MMP28: variants seen among roughly 807,000 people sequenced by gnomAD.
The protein encoded by MMP28 is matrix metallopeptidase 28.
MMP28 carries 55 observed loss-of-function variants against 60.5 expected under a neutral mutation model. The ratio of observed to expected loss-of-function variants is 0.91; its 90% confidence interval spans 0.73 to 1.14. MMP28 has a LOEUF of 1.14. Ranked by LOEUF, MMP28 falls within the 50% of genes most tolerant of loss-of-function variation. MMP28 has a pLI of 0.00. For synonymous variants in MMP28, 318 were observed against 312.5 expected, an observed-to-expected ratio of 1.02 and a Z score of -0.18; for missense variants, 686 against 738.3, an observed-to-expected ratio of 0.93 and a Z score of 0.82.
In MMP28 at chr17:35,795,618, G is replaced by A. The variant is rs927714016; in HGVS notation, c.-241C>T. ...GGCAGTGCCTGCCCGCGGGTCCGCC[G>A]GCCCCGGGGACCGAGGGAGGGAGGA... On this transcript the variant is annotated 5_prime_UTR_variant, in exon 1 of 8. Transcript: ENST00000605424. 1 of 360,250 alleles carries A rather than the reference G, an allele frequency of 2.8e-6. No individual in the cohort carries two copies. The allele number at this position is 360,250 out of a possible 1,614,324, so 22.3% of individuals were successfully genotyped here. A position where few individuals can be genotyped will look rare whatever the true frequency, so the allele number is the denominator to read the frequency against.
In MMP28 at chr17:35,795,259, C is replaced by T. The variant is rs1392492201; in HGVS notation, c.111+8G>A. 5.0e-6 allele frequency: 7 copies of T among 1,407,094 alleles called. No individual in the cohort carries two copies. In the South Asian group the frequency reaches 7.8e-5, roughly 16 times the overall value. The allele number at this position is 1,407,094 out of a possible 1,614,324, so 87.2% of individuals were successfully genotyped here. Reference sequence around the variant, plus strand: ...CGCACCGCTCTCCGCCAGGTACACACGGCGTACCTCCGCCTCCTTGCGCAG... The same window carrying T: ...CGCACCGCTCTCCGCCAGGTACACATGGCGTACCTCCGCCTCCTTGCGCAG... On this transcript the variant is annotated splice_region_variant and intron_variant, in intron 1 of 7. Coordinates refer to ENST00000605424, the MANE Select transcript of MMP28 (RefSeq NM_024302.5).
intron 2 of MMP28, among the ~76,000 whole-genome samples, chr17:35,759,484 G>T (rs374693371): frequency 6.6e-6 from 1 of 152,118 alleles, no homozygotes; most frequent in Non-Finnish European, 1.5e-5. Context: ...GGCAGATTAC[G>T]ACGTCAGGAG....
chr17:35,759,793 C>A (rs587598039), intron 2 of MMP28, among the ~76,000 whole-genome samples: 4 of 151,340 alleles, frequency 2.6e-5, no homozygotes, highest in Non-Finnish European at 5.9e-5. Context: ...TATCCACTGG[C>A]ACTCATTTGT....
chr17:35,758,454 AG>A (rs1263733222), intron 2 of MMP28: 1 of 152,122 alleles, frequency 6.6e-6, no homozygotes, highest in African/African-American at 2.4e-5. Context: ...CACTTTGGGA[AG>A]TCGAGGCAGG....
At chr17:35,764,308 A>C (rs1200206145), downstream of MMP28, 1 of 1,493,622 alleles carries the variant, frequency 6.7e-7, no homozygotes, top group Non-Finnish European at 8.9e-7. Flanking sequence ...TGGGCGGCCT[A>C]ACAGCTCCCA....
intron 4 of MMP28, among the ~76,000 whole-genome samples, chr17:35,771,855 T>G (rs776783035): frequency 6.6e-6 from 1 of 150,430 alleles, no homozygotes; most frequent in African/African-American, 2.5e-5. Context: ...TCAGTGATTT[T>G]CAAGCTTTTA....
intron 4 of MMP28, 118 bp downstream of exon 4, chr17:35,773,062 G>C (rs1268839683): frequency 1.2e-6 from 1 of 835,778 alleles, no homozygotes; most frequent in Non-Finnish European, 1.8e-6. Context: ...GTTCTCTGCA[G>C]GGAGATGTGC....
intron 3 of MMP28, 40 bp downstream of exon 3, chr17:35,778,848 T>C (rs371670061): frequency 1.1e-4 from 174 of 1,613,858 alleles, no homozygotes; most frequent in Non-Finnish European, 1.4e-4. Context: ...CTTCAAGACA[T>C]TGGGAAATCT....
chr17:35,767,128 C>T (rs2085971520), intron 7 of MMP28: 3 of 702,284 alleles, frequency 4.3e-6, no homozygotes, highest in East Asian at 2.7e-5. Flanking sequence ...GGCAGATAGC[C>T]CCGAAAGGAA....
In MMP28 at chr17:35,766,657, G is replaced by T. The variant is rs776873799; in HGVS notation, c.1406C>A (p.Ala469Asp). Residue 469 changes from alanine (A) to aspartate (D), a missense_variant, in exon 8 of 8, where the codon GCC (alanine) becomes GAC (aspartate). Transcript: ENST00000605424. This position sits in a 1 kb window ranked among gnomAD's most constrained non-coding sequence, Gnocchi z 4.3. ...GATGGAGCCATCGGGCCTCGGCAGGGCGCCGCTGACCTCCTCAGGGATGCC... is the reference window on the plus strand; with the variant it reads ...GATGGAGCCATCGGGCCTCGGCAGGTCGCCGCTGACCTCCTCAGGGATGCC... ...WGGIPEEVSG[A>D]LPRPDGSIIF... 1 of 1,611,526 alleles carries T rather than the reference G, an allele frequency of 6.2e-7. No homozygotes were observed.
At chr17:35,793,028 A>G (rs2086858297) in intron 1 of MMP28, among the ~76,000 whole-genome samples, 1 of 152,244 alleles carries the variant, frequency 6.6e-6, no homozygotes. Flanking sequence ...ATAGACATAG[A>G]CACATCCCCA....
At chr17:35,765,759 T>C (rs1555602812), downstream of MMP28, 1 of 762,964 alleles carries the variant, frequency 1.3e-6, no homozygotes, top group East Asian at 1.3e-4. Flanking sequence ...CACACACAGC[T>C]GCCTAGCCCT....
chr17:35,764,691 G>A (rs2085901064), downstream of MMP28: 4 of 1,452,774 alleles, frequency 2.8e-6, no homozygotes, highest in Non-Finnish European at 3.6e-6. Flanking sequence ...TTCTCTCTTG[G>A]AGCGCGGAGC....
chr17:35,788,492 C>T (rs965466699), intron 1 of MMP28, among the ~76,000 whole-genome samples: 3 of 152,136 alleles, frequency 2.0e-5, no homozygotes, highest in Non-Finnish European at 4.4e-5. Flanking sequence ...CAACTGTGGT[C>T]CTCTAGGACC....
At chr17:35,785,791 C>T (rs2086631184) in intron 1 of MMP28, among the ~76,000 whole-genome samples, 1 of 152,126 alleles carries the variant, frequency 6.6e-6, no homozygotes, top group Non-Finnish European at 1.5e-5. Flanking sequence ...CCAGCTCTAT[C>T]CGTTATTCTA....
chr17:35,768,473 T>G, intron 5 of MMP28, 94 bp from the exon 6 acceptor site: 1 of 1,041,908 alleles, frequency 9.6e-7, no homozygotes, highest in Admixed American at 2.4e-5. Context: ...CTTTCATGAT[T>G]ATCTAATATG....
chr17:35,786,213 C>T (rs767427160), intron 1 of MMP28, among the ~76,000 whole-genome samples: 10 of 152,012 alleles, frequency 6.6e-5, no homozygotes, highest in Non-Finnish European at 1.2e-4. Flanking sequence ...TGCGCCACTA[C>T]GCCTGGGTAA....
intron 2 of MMP28, chr17:35,760,788 T>C (rs1312659272): frequency 4.7e-6 from 4 of 847,048 alleles, no homozygotes; most frequent in Non-Finnish European, 7.8e-6. Context: ...AAGGAAATTA[T>C]TCCTGGGCAG....
chr17:35,766,675 G>C lies in MMP28; in HGVS notation c.1388C>G (p.Pro463Arg). 6.2e-7 allele frequency: 1 copy of C among 1,609,810 alleles called. No individual in the cohort carries two copies. Among genetic ancestry groups the C allele is most frequent in the Non-Finnish European group, 8.5e-7 (1 of 1,178,220 alleles). ...PRSLQDWGGI[P>R]EEVSGALPRP... ...CGGCAGGGCGCCGCTGACCTCCTCA[G>C]GGATGCCTCCCCAGTCCTGCAGACT... Residue 463 changes from proline to arginine, a missense_variant, in exon 8 of 8, where the codon CCT (proline) becomes CGT (arginine). Coordinates refer to ENST00000605424, the MANE Select transcript of MMP28 (RefSeq NM_024302.5). The surrounding 1 kb of genome is among the most constrained non-coding windows in gnomAD (Gnocchi z 4.3).
Sources: allele counts gnomAD v4.1 joint callset (sites outside exome capture counted in the v4.1 genomes callset), GRCh38; gene constraint gnomAD v4.1.1; non-coding constraint Gnocchi (gnomAD v3.1); transcripts MANE v1.5; gene names NCBI Gene and HGNC (gene_info 2026-07-23, HGNC 2026-07-21).